CNST: variants seen among roughly 807,000 people sequenced by gnomAD.
CNST encodes the protein consortin, connexin sorting protein.
A neutral mutation model predicts 72.4 loss-of-function variants in CNST; 39 were observed. The ratio of observed to expected loss-of-function variants is 0.54; its 90% CI spans 0.42 to 0.70. The LOEUF (loss-of-function observed/expected upper bound fraction) is 0.70. Among genes scored for constraint, CNST ranks in the 30% least tolerant of loss-of-function variants. The probability of loss-of-function intolerance (pLI) is 0.00; values close to 1 mark genes in which losing one functional copy is unlikely to be tolerated. For synonymous variants in CNST, 332 were observed against 320.1 expected, an observed-to-expected ratio of 1.04 and a Z score of -0.40; for missense variants, 871 against 868.5, an observed-to-expected ratio of 1.00 and a Z score of -0.04.
intron 1 of CNST, among the ~76,000 whole-genome samples, chr1:246,568,397 GAATAA>G (rs1469945886): frequency 6.6e-6 from 1 of 152,140 alleles, no homozygotes; most frequent in South Asian, 2.1e-4. Context: ...GAAGGTACTT[GAATAA>G]TAAGAGATTT....
intron 2 of CNST, among the ~76,000 whole-genome samples, chr1:246,604,623 A>AAT (rs1404693066): frequency 1.3e-5 from 2 of 151,444 alleles, no homozygotes; most frequent in African/African-American, 4.9e-5. Context: ...TTCTCCCACA[A>AAT]ATATATATAT....
At chr1:246,576,635 G>A (rs562591527) in intron 1 of CNST, among the ~76,000 whole-genome samples, 2 of 151,322 alleles carry the variant, frequency 1.3e-5, no homozygotes, top group Non-Finnish European at 2.9e-5. Context: ...AGCTGGGACC[G>A]CAGGCATGTT....
intron 4 of CNST, 44 bp from the exon 5 acceptor site, chr1:246,633,880 T>C (rs998870594): frequency 7.7e-7 from 1 of 1,292,558 alleles, no homozygotes. Context: ...ATGGGAATAA[T>C]GTAAATAGTG....
chr1:246,636,708 A>G (rs12758585), intron 6 of CNST, among the ~76,000 whole-genome samples: 44,262 of 152,116 alleles, frequency 0.29, 7,151 homozygotes, highest in East Asian at 0.67. Context: ...TCCCTTTTGG[A>G]CATGTAGCCC....
intron 1 of CNST, among the ~76,000 whole-genome samples, chr1:246,584,995 G>A (rs889011866): frequency 6.6e-6 from 1 of 152,218 alleles, no homozygotes; most frequent in Admixed American, 6.5e-5. Context: ...ATTGACTTTA[G>A]TTTCTGGCAG....
intron 2 of CNST, among the ~76,000 whole-genome samples, chr1:246,615,882 A>G (rs1190062172): frequency 1.3e-5 from 2 of 151,960 alleles, no homozygotes; most frequent in East Asian, 3.9e-4. Flanking sequence ...TCCATCTCAA[A>G]AAAAAAAAGA....
chr1:246,598,218 C>G (rs929057238), intron 2 of CNST, among the ~76,000 whole-genome samples: 5 of 150,154 alleles, frequency 3.3e-5, no homozygotes, highest in African/African-American at 1.2e-4. Context: ...TTCCTAGGCT[C>G]AAGCCATCCA....
chr1:246,637,874 C>T (rs1665399142), intron 6 of CNST, among the ~76,000 whole-genome samples: 1 of 152,128 alleles, frequency 6.6e-6, no homozygotes, highest in Admixed American at 6.5e-5. Context: ...TCTACCCACC[C>T]AGAGAAAGTA....
At chr1:246,657,784 G>A (rs1299958753) in intron 9 of CNST, among the ~76,000 whole-genome samples, 1 of 152,154 alleles carries the variant, frequency 6.6e-6, no homozygotes, top group Non-Finnish European at 1.5e-5. Flanking sequence ...GGCTCATTCT[G>A]TGCCTTTCCA....
chr1:246,634,027 A>G lies in CNST; in HGVS notation c.703+17A>G. 4.6e-6 allele frequency: 7 copies of G among 1,522,686 alleles called. No homozygotes were observed. Among genetic ancestry groups the G allele is most frequent in the Non-Finnish European group, 5.5e-6 (6 of 1,098,950 alleles). The allele number at this position is 1,522,686 out of a possible 1,614,324, so 94.3% of individuals were successfully genotyped here. A position where few individuals can be genotyped will look rare whatever the true frequency, so the allele number is the denominator to read the frequency against. ...AACAGTGGGGTAAGTACAGACCAAC[A>G]TGGAATGTGGAATTAGCAGTAATCC... On this transcript the variant is annotated intron_variant, in intron 5 of 10. Coordinates refer to ENST00000366513, the MANE Select transcript of CNST (RefSeq NM_152609.3).
chr1:246,601,731 T>C (rs1662302228), intron 2 of CNST, among the ~76,000 whole-genome samples: 1 of 151,966 alleles, frequency 6.6e-6, no homozygotes, highest in African/African-American at 2.4e-5. Context: ...GAGGCGGAGG[T>C]TGCAGTGAGC....
At chr1:246,642,367 G>A (rs1390765079) in intron 8 of CNST, among the ~76,000 whole-genome samples, 2 of 151,952 alleles carry the variant, frequency 1.3e-5, no homozygotes, top group South Asian at 2.1e-4. Flanking sequence ...TAGAATTGGT[G>A]TTGGTACATT....
At chr1:246,609,545 C>T (rs1663161084) in intron 2 of CNST, among the ~76,000 whole-genome samples, 1 of 152,162 alleles carries the variant, frequency 6.6e-6, no homozygotes, top group Non-Finnish European at 1.5e-5. Flanking sequence ...CCATGGCACT[C>T]CAGCCTGGGC....
chr1:246,594,080 T>C (rs1215030073), intron 2 of CNST, among the ~76,000 whole-genome samples: 1 of 152,212 alleles, frequency 6.6e-6, no homozygotes, highest in Non-Finnish European at 1.5e-5. Context: ...AACTGATACT[T>C]AGTTGCATAC....
At chr1:246,611,537 G>A (rs529057464) in intron 2 of CNST, among the ~76,000 whole-genome samples, 1 of 152,082 alleles carries the variant, frequency 6.6e-6, no homozygotes, top group East Asian at 1.9e-4. Flanking sequence ...TTTTAGATAA[G>A]GATGTCATTG....
At chr1:246,647,063 T>G (rs370604178) in intron 8 of CNST, 76 bp from the exon 9 acceptor site, 1 of 1,282,554 alleles carries the variant, frequency 7.8e-7, no homozygotes, top group South Asian at 1.4e-5. Context: ...TTACACATAT[T>G]CATATGTCCC....
chr1:246,576,533 T>A (rs1660447540), intron 1 of CNST, among the ~76,000 whole-genome samples: 1 of 151,312 alleles, frequency 6.6e-6, no homozygotes, highest in South Asian at 2.1e-4. Context: ...TCTCACTCTG[T>A]CACCCAGGCT....
intron 1 of CNST, among the ~76,000 whole-genome samples, chr1:246,588,262 A>G (rs1328317668): frequency 1.3e-5 from 2 of 152,166 alleles, no homozygotes; most frequent in African/African-American, 4.8e-5. Context: ...TGACAATACT[A>G]TTTAACTTTT....
chr1:246,647,162 G>C lies in CNST; in HGVS notation c.961G>C (p.Glu321Gln), dbSNP rs552512669. The C allele has an allele frequency of 4.3e-6, 7 of 1,613,118 alleles. No individual in the cohort carries two copies. In the Admixed American group the frequency reaches 1.2e-4, roughly 27 times the overall value. ...ESESKTCLGT[E>Q]SSKESQHTVE... The stretch of plus-strand genomic sequence containing the variant: ...AGAGAGTAAAACTTGTCTCGGCACA[G>C]AGTCAAGTAAAGAAAGCCAACATAC... Residue 321 changes from glutamate (E) to glutamine (Q), a missense_variant, in exon 9 of 11, where the codon GAG becomes CAG. Physicochemically the swap from Glu to Gln is conservative, Grantham distance 29 (BLOSUM62 2). Coordinates refer to ENST00000366513, the MANE Select transcript of CNST (RefSeq NM_152609.3).
Sources: gnomAD v4.1 joint callset for allele counts (sites outside exome capture counted in the v4.1 genomes callset) on GRCh38, gnomAD v4.1.1 for gene constraint, MANE v1.5 for transcripts, NCBI Gene and HGNC (gene_info 2026-07-23, HGNC 2026-07-21) for gene names.